Variants in PPM1G observed in about 807,000 individuals in gnomAD.
The protein encoded by PPM1G is protein phosphatase, Mg2+/Mn2+ dependent 1G, also known as protein phosphatase 1G.
A neutral mutation model predicts 59.4 loss-of-function variants in PPM1G; 12 were observed. That is an observed-to-expected ratio of 0.20 (90% CI 0.13 to 0.33). PPM1G has a LOEUF of 0.33. PPM1G is among the 10% of genes least tolerant of loss of function. The pLI, the probability that PPM1G is intolerant of heterozygous loss-of-function variation, is 1.00. For missense variants in PPM1G, 392 were observed against 681.3 expected, an observed-to-expected ratio of 0.58 and a Z score of 4.73; for synonymous variants, 245 against 251.9, an observed-to-expected ratio of 0.97 and a Z score of 0.26.
Position 27,384,185 on chromosome 2 carries a change from C to T in PPM1G, c.826-93G>A. The T allele has an allele frequency of 6.4e-7, 1 of 1,571,542 alleles. No individual in the cohort carries two copies. The highest frequency in any genetic ancestry group is 8.6e-7 in the Non-Finnish European group (1 of 1,158,912). ...AGAATCAAGAGGTCCTGACTGAACA[C>T]AGGTCCTCAAAACACTGAAAGATAC... On this transcript the variant is annotated intron_variant, in intron 5 of 9. Transcript: ENST00000344034. The surrounding 1 kb of genome is among the most constrained non-coding windows in gnomAD (Gnocchi z 4.8).
At chr2:27,402,138 G>A (rs75855890) in intron 1 of PPM1G, among the ~76,000 whole-genome samples, 2 of 151,546 alleles carry the variant, frequency 1.3e-5, no homozygotes, top group African/African-American at 4.8e-5. Context: ...GGAAAAAAAA[G>A]TTGATATACT....
In PPM1G at chr2:27,386,597, C is replaced by T. The variant is rs558052820; in HGVS notation, c.191-318G>A. On this transcript the variant is annotated intron_variant, in intron 2 of 9. Transcript: ENST00000344034. ...AAGACAAGAGTCTTGCTCTGTTGCC[C>T]AGGCTGGAGTGCAGTGGCATGGTCT... The T allele has an allele frequency of 1.6e-4, 31 of 199,724 alleles. No individual in the cohort carries two copies. In the South Asian group the frequency reaches 2.4e-3, roughly 15 times the overall value. 12.4% of individuals were successfully genotyped at this position (199,724 alleles called of 1,614,324 possible). A position where few individuals can be genotyped will look rare whatever the true frequency, so the allele number is the denominator to read the frequency against.
In PPM1G at chr2:27,387,096, T is replaced by C. The variant is rs1683782414; in HGVS notation, c.183A>G (p.Gly61=). 6 of 1,610,958 alleles carry C rather than the reference T, an allele frequency of 3.7e-6. No individual in the cohort carries two copies. The highest frequency in any genetic ancestry group is 5.1e-6 in the Non-Finnish European group (6 of 1,177,106). ...ATGATCTGTTAAAGTTACCTCCATG[T>C]CCATCGTAGACAGAAAACATGGCTG... ...SETAMFSVYD[G]HGGEEVALYC... The change falls in exon 2 of 10, where the codon GGA becomes GGG. Residue 61 remains glycine, a synonymous_variant. Transcript: ENST00000344034.
In PPM1G at chr2:27,401,594, G is replaced by A. The variant is rs565352258; in HGVS notation, c.120+7709C>T. ...TAATCCCAGCACTTTGGGAGGCTGA[G>A]GCAGGCAGATCACTTGAGGCCAGGA... On this transcript the variant is annotated intron_variant, in intron 1 of 9. Coordinates refer to ENST00000344034, the MANE Select transcript of PPM1G (RefSeq NM_177983.3). Among the ~76,000 whole-genome samples, 17 of 152,298 alleles carry A rather than the reference G, an allele frequency of 1.1e-4. No homozygotes were observed. The East Asian group carries it at 2.7e-3, about 24-fold the overall frequency.
chr2:27,400,712 G>A (rs534592421), intron 1 of PPM1G, among the ~76,000 whole-genome samples: 27 of 152,280 alleles, frequency 1.8e-4, no homozygotes, highest in Admixed American at 5.9e-4. Context: ...TGGAGTTCTG[G>A]GTCTTTTGCT....
In PPM1G at chr2:27,399,913, C is replaced by T. The variant is rs76631077; in HGVS notation, c.120+9390G>A. ...CAAGAGATATGAGGACATATTTCCA[C>T]ACAAAAATTTGTACATAGTATCACT... On this transcript the variant is annotated intron_variant, in intron 1 of 9. Coordinates refer to ENST00000344034, the MANE Select transcript of PPM1G (RefSeq NM_177983.3). Among the ~76,000 whole-genome samples the T allele has an allele frequency of 7.4e-3, 974 of 130,898 alleles. 8 individuals are homozygous for T. Among genetic ancestry groups the T allele is most frequent in the African/African-American group, 0.027 (920 of 34,460 alleles). 85.9% of individuals were successfully genotyped at this position (130,898 alleles called of 152,430 possible). A position where few individuals can be genotyped will look rare whatever the true frequency, so the allele number is the denominator to read the frequency against.
In PPM1G at chr2:27,399,924, G is replaced by C. The variant is rs531571749; in HGVS notation, c.120+9379C>G. On this transcript the variant is annotated intron_variant, in intron 1 of 9. Transcript: ENST00000344034. ...AGGACATATTTCCACACAAAAATTT[G>C]TACATAGTATCACTATTTATAATAG... Among the ~76,000 whole-genome samples, 3 of 135,532 alleles carry C rather than the reference G, an allele frequency of 2.2e-5. No homozygotes were observed. The East Asian group carries it at 6.4e-4, about 29-fold the overall frequency. 88.9% of individuals were successfully genotyped at this position (135,532 alleles called of 152,430 possible).
In PPM1G at chr2:27,383,532, G is replaced by A. The variant is rs756047326; in HGVS notation, c.1035C>T (p.Asn345=). 4 of 1,614,002 alleles carry A rather than the reference G, an allele frequency of 2.5e-6. No homozygotes were observed. Among genetic ancestry groups the A allele is most frequent in the East Asian group, 2.2e-5 (1 of 44,898 alleles). The change falls in exon 7 of 10, where the codon AAC becomes AAT. Residue 345 remains asparagine (N), a synonymous_variant. Transcript: ENST00000344034. The surrounding 1 kb of genome is among the most constrained non-coding windows in gnomAD (Gnocchi z 5.0). ...ATACCACACAGCGAGAGTCTCCTGC[G>A]TTGGCTACAATCAACTGCTTCCCTC... The part of the protein sequence containing the change: ...LIRGKQLIVA[N]AGDSRCVVSE...
intron 1 of PPM1G, among the ~76,000 whole-genome samples, chr2:27,395,510 T>A (rs186929419): frequency 9.3e-5 from 14 of 150,038 alleles, no homozygotes; most frequent in Non-Finnish European, 2.1e-4. Context: ...GCCTGGGCAA[T>A]AGAGTGAGAC....
Position 27,381,440 on chromosome 2 carries a change from G to T in PPM1G, c.*159C>A. The T allele has an allele frequency of 1.3e-6, 1 of 747,462 alleles. No individual in the cohort carries two copies. The highest frequency in any genetic ancestry group is 2.2e-6 in the Non-Finnish European group (1 of 449,024). 46.3% of individuals were successfully genotyped at this position (747,462 alleles called of 1,614,324 possible). A position where few individuals can be genotyped will look rare whatever the true frequency, so the allele number is the denominator to read the frequency against. On this transcript the variant is annotated 3_prime_UTR_variant, in exon 10 of 10. Transcript: ENST00000344034. ...GACAGCAGAGGCTCCCGGCTGCAGTGTGGAGGGAGAGCCCTCTTTGGAATG... is the reference window on the plus strand; with the variant it reads ...GACAGCAGAGGCTCCCGGCTGCAGTTTGGAGGGAGAGCCCTCTTTGGAATG...
Position 27,385,428 on chromosome 2 carries a change from T to C in PPM1G, c.409+319A>G, listed in dbSNP as rs1683740457. 1.4e-5 allele frequency: 6 copies of C among 419,300 alleles called. No individual in the cohort carries two copies. Among genetic ancestry groups the C allele is most frequent in the South Asian group, 4.4e-5 (1 of 22,922 alleles). The allele number at this position is 419,300 out of a possible 1,614,324, so 26.0% of individuals were successfully genotyped here. On this transcript the variant is annotated intron_variant, in intron 4 of 9. Coordinates refer to ENST00000344034, the MANE Select transcript of PPM1G (RefSeq NM_177983.3). This position sits in a 1 kb window ranked among gnomAD's most constrained non-coding sequence, Gnocchi z 4.1. ...GTGAATTAGGATTTAGGCTTAATGA[T>C]TGGCTATTGGGGCTAATAACTGCTC...
chr2:27,390,090 C>T (rs986499897), intron 1 of PPM1G, among the ~76,000 whole-genome samples: 1 of 151,884 alleles, frequency 6.6e-6, no homozygotes, highest in African/African-American at 2.4e-5. Context: ...GATCTAGGCT[C>T]ACCATATCCT....
At chr2:27,386,100 C>A in intron 3 of PPM1G, 94 bp downstream of exon 3, 2 of 1,295,594 alleles carry the variant, frequency 1.5e-6, no homozygotes, top group South Asian at 2.6e-5. Context: ...TAAGCAGCAG[C>A]AGCTAGAGGA....
chr2:27,401,055 C>T (rs1684167817), intron 1 of PPM1G, among the ~76,000 whole-genome samples: 1 of 152,156 alleles, frequency 6.6e-6, no homozygotes, highest in South Asian at 2.1e-4. Context: ...TGAGTGATAA[C>T]TGGATATGAG....
intron 1 of PPM1G, among the ~76,000 whole-genome samples, chr2:27,400,385 G>A (rs1684155313): frequency 6.6e-6 from 1 of 152,102 alleles, no homozygotes; most frequent in Admixed American, 6.6e-5. Context: ...CTGGGCGACA[G>A]AGGGAGACCC....
intron 1 of PPM1G, among the ~76,000 whole-genome samples, chr2:27,402,990 G>A (rs1420033337): frequency 6.6e-6 from 1 of 151,588 alleles, no homozygotes; most frequent in Non-Finnish European, 1.5e-5. Flanking sequence ...AAGACCCCTT[G>A]AGCCCAGAAG....
At chr2:27,406,781 AAAC>A (rs1186301832) in intron 1 of PPM1G, among the ~76,000 whole-genome samples, 1 of 152,118 alleles carries the variant, frequency 6.6e-6, no homozygotes, top group Non-Finnish European at 1.5e-5. Context: ...AGAAATGAAA[AAAC>A]AACAGCAGAG....
chr2:27,381,542 G>A lies in PPM1G; in HGVS notation c.*57C>T. The A allele has an allele frequency of 6.3e-7, 1 of 1,598,168 alleles. No homozygotes were observed. The highest frequency in any genetic ancestry group is 2.2e-5 in the East Asian group (1 of 44,734). ...GGCTAAAGGAAAAAGACAAAACTCA[G>A]TCTCAGGTCCGGAGGGCTCAGAAAA... On this transcript the variant is annotated 3_prime_UTR_variant, in exon 10 of 10. Coordinates refer to ENST00000344034, the MANE Select transcript of PPM1G (RefSeq NM_177983.3).
In PPM1G at chr2:27,381,810, G is replaced by C. The variant is rs1383096092; in HGVS notation, c.1435-5C>G. 4 of 1,612,180 alleles carry C rather than the reference G, an allele frequency of 2.5e-6. No individual in the cohort carries two copies. In the South Asian group the frequency reaches 3.3e-5, roughly 13 times the overall value. On this transcript the variant is annotated splice_polypyrimidine_tract_variant and splice_region_variant and intron_variant, in intron 9 of 9. Coordinates refer to ENST00000344034, the MANE Select transcript of PPM1G (RefSeq NM_177983.3). ...TGCCAGGCACTGATCCAGCAGCTAA[G>C]AAAGGGATGGGGGTAGCTCAGCCAC...
Sources: allele counts gnomAD v4.1 joint callset (sites outside exome capture counted in the v4.1 genomes callset), GRCh38; gene constraint gnomAD v4.1.1; non-coding constraint Gnocchi (gnomAD v3.1); transcripts MANE v1.5; gene names NCBI Gene and HGNC (gene_info 2026-07-23, HGNC 2026-07-21).